POLR3B: variants seen among roughly 807,000 people sequenced by gnomAD.
POLR3B encodes the protein RNA polymerase III subunit B, also known as DNA-directed RNA polymerase III subunit RPC2.
A neutral mutation model predicts 147.4 loss-of-function variants in POLR3B; 96 were observed. That is an observed-to-expected ratio of 0.65 (90% CI 0.55 to 0.77). The LOEUF (loss-of-function observed/expected upper bound fraction) is 0.77, where lower values mean the gene tolerates loss of function less well. Among genes scored for constraint, POLR3B ranks in the 30% least tolerant of loss-of-function variants. The pLI is 0.00. For synonymous variants in POLR3B, 461 were observed against 485.9 expected, an observed-to-expected ratio of 0.95 and a Z score of 0.67; for missense variants, 1,036 against 1,413.5, an observed-to-expected ratio of 0.73 and a Z score of 4.28.
chr12:106,383,935 A>T (rs11835357), intron 9 of POLR3B, among the ~76,000 whole-genome samples: 1 of 150,522 alleles, frequency 6.6e-6, no homozygotes, highest in African/African-American at 2.5e-5. Flanking sequence ...CCGAGATTGC[A>T]CCACTGCACT....
Position 106,437,090 on chromosome 12 carries a change from A to T in POLR3B, c.1815A>T (p.Ala605=). The stretch of plus-strand genomic sequence containing the variant: ...TAATTGTCAAGAAACAGAAGCCAGC[A>T]GTCACAAATAAACATATGGAAGAGC... The part of the protein sequence containing the change: ...PYIIVKKQKP[A]VTNKHMEELA... Residue 605 remains alanine (A), a synonymous_variant, in exon 17 of 28, where the codon GCA becomes GCT. Coordinates refer to ENST00000228347, the MANE Select transcript of POLR3B (RefSeq NM_018082.6). 1 of 1,613,642 alleles carries T rather than the reference A, an allele frequency of 6.2e-7. No homozygotes were observed. Among genetic ancestry groups the T allele is most frequent in the Non-Finnish European group, 8.5e-7 (1 of 1,179,834 alleles).
At chr12:106,373,012 G>C (rs2036631322) in intron 6 of POLR3B, among the ~76,000 whole-genome samples, 2 of 152,160 alleles carry the variant, frequency 1.3e-5, no homozygotes, top group African/African-American at 4.8e-5. Context: ...ACTTTGTAGA[G>C]ACCTGTTTCT....
Position 106,366,529 on chromosome 12 carries a change from T to C in POLR3B, c.119T>C (p.Val40Ala), listed in dbSNP as rs1013947151. The C allele has an allele frequency of 6.2e-7, 1 of 1,610,148 alleles. No homozygotes were observed. Among genetic ancestry groups the C allele is most frequent in the African/African-American group, 1.3e-5 (1 of 74,958 alleles). Residue 40 changes from valine (V) to alanine (A), a missense_variant, in exon 3 of 28, where the codon GTG (valine) becomes GCG (alanine). Transcript: ENST00000228347. ...LPAFLKVKGL[V>A]KQHIDSFNYF... The stretch of plus-strand genomic sequence containing the variant: ...CTATCTGTTTAGGTGAAAGGCCTTG[T>C]GAAACAGCATATAGATTCATTTAAC...
At chr12:106,478,775 C>G (rs1285080249) in intron 23 of POLR3B, among the ~76,000 whole-genome samples, 2 of 151,986 alleles carry the variant, frequency 1.3e-5, no homozygotes, top group Non-Finnish European at 2.9e-5. Flanking sequence ...AAAGGTCAAA[C>G]AGAACAAGAA....
At chr12:106,501,519 C>T in intron 26 of POLR3B, 83 bp downstream of exon 26, 1 of 858,198 alleles carries the variant, frequency 1.2e-6, no homozygotes, top group Non-Finnish European at 1.9e-6. Flanking sequence ...AAAGCAGACT[C>T]AACAAAGTTT....
chr12:106,443,160 A>T (rs2037675348), intron 18 of POLR3B, among the ~76,000 whole-genome samples: 3 of 152,246 alleles, frequency 2.0e-5, no homozygotes. Flanking sequence ...CAGGTAATTA[A>T]TATAAAACTA....
At position 106,427,206 on chromosome 12, in the gene POLR3B, C is replaced by CTTCTTT; in HGVS notation, c.1114_1119dup (p.Leu372_Phe373dup). The CTTCTTT allele has an allele frequency of 7.1e-7, 1 of 1,417,992 alleles. No individual in the cohort carries two copies. Among genetic ancestry groups the CTTCTTT allele is most frequent in the East Asian group, 2.4e-5 (1 of 40,950 alleles). The allele number at this position is 1,417,992 out of a possible 1,614,324, so 87.8% of individuals were successfully genotyped here. A position where few individuals can be genotyped will look rare whatever the true frequency, so the allele number is the denominator to read the frequency against. Reference sequence around the variant, plus strand: ...TTTTTTTTTTTTTTAGCTTTTATCTCTTCTTTTTGAAGACTTGTTCAAAAA... The same window carrying CTTCTTT: ...TTTTTTTTTTTTTTAGCTTTTATCTCTTCTTTTTCTTTTTGAAGACTTGTTCAAAAA... On this transcript the variant is annotated inframe_insertion, in exon 13 of 28. Transcript: ENST00000228347.
At chr12:106,486,749 C>T (rs762005979) in intron 23 of POLR3B, among the ~76,000 whole-genome samples, 1 of 152,174 alleles carries the variant, frequency 6.6e-6, no homozygotes, top group Non-Finnish European at 1.5e-5. Context: ...TGTCCCTTTC[C>T]TTCTAAAATC....
intron 23 of POLR3B, among the ~76,000 whole-genome samples, chr12:106,483,731 C>T (rs2137060818): frequency 6.6e-6 from 1 of 152,272 alleles, no homozygotes; most frequent in East Asian, 1.9e-4. Context: ...TAGCACTGCT[C>T]TGATAGTTTT....
At chr12:106,455,225 G>GT (rs2037848967) in intron 20 of POLR3B, among the ~76,000 whole-genome samples, 1 of 152,118 alleles carries the variant, frequency 6.6e-6, no homozygotes, top group African/African-American at 2.4e-5. Flanking sequence ...TTTTCTTTCT[G>GT]TTTTTGACAA....
chr12:106,417,750 A>G (rs1027524470), intron 12 of POLR3B, among the ~76,000 whole-genome samples: 3 of 152,124 alleles, frequency 2.0e-5, no homozygotes, highest in African/African-American at 4.8e-5. Flanking sequence ...CCATTGTGCA[A>G]GGAATTATGG....
At chr12:106,508,708 G>A (rs1450121800) in intron 27 of POLR3B, among the ~76,000 whole-genome samples, 2 of 152,238 alleles carry the variant, frequency 1.3e-5, no homozygotes, top group Non-Finnish European at 2.9e-5. Flanking sequence ...AAGTGGTTAG[G>A]AACATGGACT....
chr12:106,446,832 G>T (rs2137019697), intron 19 of POLR3B, among the ~76,000 whole-genome samples: 1 of 152,294 alleles, frequency 6.6e-6, no homozygotes, highest in Admixed American at 6.5e-5. Flanking sequence ...TTTAGAGTTG[G>T]CATATAATGC....
At chr12:106,417,159 G>A (rs370453296) in intron 12 of POLR3B, among the ~76,000 whole-genome samples, 3 of 152,254 alleles carry the variant, frequency 2.0e-5, no homozygotes, top group South Asian at 2.1e-4. Flanking sequence ...TATTCATCTC[G>A]TTATTTCCAC....
At chr12:106,465,688 G>A (rs567058152) in intron 23 of POLR3B, among the ~76,000 whole-genome samples, 7 of 152,184 alleles carry the variant, frequency 4.6e-5, no homozygotes, top group East Asian at 1.9e-4. Flanking sequence ...GTTCAACTCC[G>A]ACTTATGAGT....
At chr12:106,496,488 T>G in intron 24 of POLR3B, 3 of 599,082 alleles carry the variant, frequency 5.0e-6, no homozygotes, top group Non-Finnish European at 8.9e-6. Context: ...GCTCCACCTC[T>G]TACCAGCTGT....
chr12:106,388,139 T>C (rs955010902), intron 9 of POLR3B, among the ~76,000 whole-genome samples: 1 of 152,192 alleles, frequency 6.6e-6, no homozygotes, highest in African/African-American at 2.4e-5. Flanking sequence ...GCCTTATTTA[T>C]GGACTTGGAT....
At chr12:106,392,003 T>G (rs2036920516) in intron 9 of POLR3B, among the ~76,000 whole-genome samples, 1 of 152,174 alleles carries the variant, frequency 6.6e-6, no homozygotes, top group Non-Finnish European at 1.5e-5. Context: ...TTTAGTGAGA[T>G]TATGCTGTGT....
At chr12:106,422,694 A>G (rs753998888) in intron 12 of POLR3B, among the ~76,000 whole-genome samples, 2 of 152,160 alleles carry the variant, frequency 1.3e-5, no homozygotes, top group Non-Finnish European at 2.9e-5. Context: ...GTATGTGCAG[A>G]TCTTTTCTGG....
Sources: gnomAD v4.1 joint callset for allele counts (sites outside exome capture counted in the v4.1 genomes callset) on GRCh38, gnomAD v4.1.1 for gene constraint, MANE v1.5 for transcripts, NCBI Gene and HGNC (gene_info 2026-07-23, HGNC 2026-07-21) for gene names.